Variants in CPLANE1 observed in about 807,000 individuals in gnomAD.
CPLANE1 encodes ciliogenesis and planar polarity effector 1.
A neutral mutation model predicts 362.5 loss-of-function variants in CPLANE1; 263 were observed. The observed-to-expected ratio is 0.73, with a 90% CI of 0.66 to 0.80. The LOEUF is 0.80. CPLANE1 is among the 30% of genes least tolerant of loss of function. The pLI is 0.00. For synonymous variants in CPLANE1, 1,212 were observed against 1,302.6 expected (o/e 0.93, Z 1.50); for missense variants, 3,461 against 3,793.4 (o/e 0.91, Z 2.30).
chr5:37,205,461 T>C lies in CPLANE1; in HGVS notation c.3150-7A>G, dbSNP rs947612809. ...CAGACTCTTTTTCTTGGACCTGAAA[T>C]GACATCAAATTAAGGGAAATGAATC... is the stretch of plus-strand genomic sequence containing the variant. On this transcript the variant is annotated splice_polypyrimidine_tract_variant and splice_region_variant and intron_variant, in intron 17 of 52. Coordinates refer to ENST00000651892, the MANE Select transcript of CPLANE1 (RefSeq NM_001384732.1). The C allele has an allele frequency of 1.3e-6, 2 of 1,492,438 alleles. No individual in the cohort carries two copies. Among genetic ancestry groups the C allele is most frequent in the Non-Finnish European group, 1.8e-6 (2 of 1,119,328 alleles). The allele number at this position is 1,492,438 out of a possible 1,614,324, so 92.4% of individuals were successfully genotyped here. A position where few individuals can be genotyped will look rare whatever the true frequency, so the allele number is the denominator to read the frequency against.
chr5:37,088,787 G>A, the CPLANE1 span, among the ~76,000 whole-genome samples: 1 of 152,156 alleles, frequency 6.6e-6, no homozygotes, highest in Admixed American at 6.5e-5. Flanking sequence ...CCCTAAAAGG[G>A]TTGCAACCGG....
intron 19 of CPLANE1, among the ~76,000 whole-genome samples, chr5:37,199,215 T>C (rs540251225): frequency 6.6e-6 from 1 of 152,124 alleles, no homozygotes; most frequent in South Asian, 2.1e-4. Flanking sequence ...ATTTCAACTA[T>C]GGCTATTTCT....
At chr5:37,142,606 A>C (rs1045162007) in intron 43 of CPLANE1, 126 bp from the exon 44 acceptor site, 2 of 569,528 alleles carry the variant, frequency 3.5e-6, no homozygotes, top group African/African-American at 3.9e-5. Context: ...TATTATGCTA[A>C]TAGCTTTCTA....
intron 34 of CPLANE1, among the ~76,000 whole-genome samples, chr5:37,168,322 A>T (rs1329177164): frequency 1.3e-5 from 2 of 151,982 alleles, no homozygotes; most frequent in Non-Finnish European, 2.9e-5. Context: ...CTTGCTCTCC[A>T]CTCTACACAC....
At chr5:37,108,210 T>G in intron 52 of CPLANE1, 83 bp downstream of exon 52, 1 of 1,363,352 alleles carries the variant, frequency 7.3e-7, no homozygotes, top group Non-Finnish European at 1.0e-6. Context: ...AAAAACAAAC[T>G]AAAAAACAAA....
chr5:37,098,515 T>C, the CPLANE1 span, among the ~76,000 whole-genome samples: 1 of 150,918 alleles, frequency 6.6e-6, no homozygotes, highest in South Asian at 2.1e-4. Context: ...CAAATGGACC[T>C]AACAGACATT....
downstream of CPLANE1, among the ~76,000 whole-genome samples, chr5:37,104,787 G>A (rs35669520): frequency 0.059 from 8,880 of 150,502 alleles, 350 homozygotes; most frequent in Non-Finnish European, 0.092. Context: ...GCTGAGCATG[G>A]TGGCAGGCGC....
At chr5:37,247,786 T>C in intron 1 of CPLANE1, 41 bp from the exon 2 acceptor site, 1 of 1,364,228 alleles carries the variant, frequency 7.3e-7, no homozygotes, top group Non-Finnish European at 9.7e-7. Context: ...TGATGCATAA[T>C]ATTCACTGGG....
At chr5:37,138,880 A>G in intron 45 of CPLANE1, 32 bp from the exon 46 acceptor site, 1 of 1,581,836 alleles carries the variant, frequency 6.3e-7, no homozygotes, top group Non-Finnish European at 8.6e-7. Context: ...AAGAAATATA[A>G]ATCAGTATCT....
At position 37,107,798 on chromosome 5, in the gene CPLANE1, A is replaced by G. The variant is rs544821904; in HGVS notation, c.9580-20T>C. 206 of 1,577,230 alleles carry G rather than the reference A, an allele frequency of 1.3e-4. 1 individual carries two copies. The South Asian group carries it at 2.2e-3, about 17-fold the overall frequency. On this transcript the variant is annotated intron_variant, in intron 52 of 52. Coordinates refer to ENST00000651892, the MANE Select transcript of CPLANE1 (RefSeq NM_001384732.1). ...CAAGTCCTATTAAATTGAAAAGACA[A>G]TTGTGGTCCTAGCCCCTAAAAACAA... is the stretch of plus-strand genomic sequence containing the variant.
At chr5:37,234,974 C>T (rs1311904926) in intron 8 of CPLANE1, among the ~76,000 whole-genome samples, 3 of 151,966 alleles carry the variant, frequency 2.0e-5, no homozygotes, top group Non-Finnish European at 4.4e-5. Flanking sequence ...CAACATAATG[C>T]TAGAAGTCCT....
rs1779001376 is a variant in CPLANE1, at chr5:37,168,859, G to A, written c.7165C>T (p.Pro2389Ser). The A allele has an allele frequency of 6.2e-7, 1 of 1,613,902 alleles. No individual in the cohort carries two copies. The highest frequency in any genetic ancestry group is 1.7e-5 in the Admixed American group (1 of 60,008). Residue 2389 changes from proline (P) to serine (S), a missense_variant, in exon 34 of 53, where the codon CCT becomes TCT. Coordinates refer to ENST00000651892, the MANE Select transcript of CPLANE1 (RefSeq NM_001384732.1). ...GGGTATTTTCTTTCTTCTGCTATAG[G>A]TTGGATAGGTGTTGAGGGAACTGTA... ...SITVPSTPIQ[P>S]IAEERKYPRL...
At chr5:37,085,228 GAGATGAAGTAA>G in the CPLANE1 span, 1 of 844,658 alleles carries the variant, frequency 1.2e-6, no homozygotes, top group African/African-American at 1.7e-5. Flanking sequence ...GCCCTGACAG[GAGATGAAGTAA>G]AGATTTGCAT....
chr5:37,159,152 C>T (rs1355533062), intron 38 of CPLANE1, among the ~76,000 whole-genome samples: 33 of 128,324 alleles, frequency 2.6e-4, no homozygotes, highest in African/African-American at 9.9e-4. Flanking sequence ...TCGCCCAGGC[C>T]GGACTGCGGA....
chr5:37,076,705 T>C, the CPLANE1 span, among the ~76,000 whole-genome samples: 4 of 151,972 alleles, frequency 2.6e-5, no homozygotes, highest in Non-Finnish European at 5.9e-5. Context: ...TAGAGTTCCC[T>C]TTGTCATTGA....
intron 50 of CPLANE1, among the ~76,000 whole-genome samples, chr5:37,116,068 C>A (rs1017982189): frequency 1.3e-5 from 2 of 151,850 alleles, no homozygotes; most frequent in African/African-American, 4.8e-5. Flanking sequence ...GGGAAGATTG[C>A]TTGAGCCCAG....
Position 37,114,964 on chromosome 5 carries a change from T to C in CPLANE1, c.9396A>G (p.Gln3132=). The change falls in exon 51 of 53, where the codon CAA becomes CAG. Residue 3132 remains glutamine (Q), a synonymous_variant. Transcript: ENST00000651892. The stretch of plus-strand genomic sequence containing the variant: ...TTTATCTTCTTTATCCCTTACCTTT[T>C]TGGAAGGTAACTGGAGACTGCGTAG... ...RKATQSPVTF[Q]KGSNAPCHSL... 1 of 1,591,284 alleles carries C rather than the reference T, an allele frequency of 6.3e-7. No homozygotes were observed. The highest frequency in any genetic ancestry group is 8.6e-7 in the Non-Finnish European group (1 of 1,161,008).
intron 46 of CPLANE1, among the ~76,000 whole-genome samples, chr5:37,131,552 C>T (rs1484623429): frequency 4.6e-5 from 7 of 150,584 alleles, no homozygotes; most frequent in South Asian, 2.1e-4. Flanking sequence ...TTTTTTGAGA[C>T]GGAGTTTCGC....
At chr5:37,105,513 A>C (rs1369094542), downstream of CPLANE1, among the ~76,000 whole-genome samples, 1 of 152,188 alleles carries the variant, frequency 6.6e-6, no homozygotes, top group Admixed American at 6.5e-5. Flanking sequence ...ACATATAAAA[A>C]CCAAAATAGA....
Sources: gnomAD v4.1 joint callset for allele counts (sites outside exome capture counted in the v4.1 genomes callset) on GRCh38, gnomAD v4.1.1 for gene constraint, MANE v1.5 for transcripts, NCBI Gene and HGNC (gene_info 2026-07-23, HGNC 2026-07-21) for gene names.